EIF4G3: variants seen among roughly 807,000 people sequenced by gnomAD.
EIF4G3 encodes the protein eukaryotic translation initiation factor 4 gamma 3, also known as eIF-4-gamma 3.
In EIF4G3, 34 loss-of-function variants were observed where a neutral mutation model predicts 186.4. The ratio of observed to expected loss-of-function variants is 0.18; its 90% confidence interval spans 0.14 to 0.24. EIF4G3 has a LOEUF of 0.24. Among genes scored for constraint, EIF4G3 ranks in the 10% least tolerant of loss-of-function variants. EIF4G3 has a pLI of 1.00. For synonymous variants in EIF4G3, 673 were observed against 679.5 expected, an observed-to-expected ratio of 0.99 and a Z score of 0.15; for missense variants, 1,536 against 1,948.5, an observed-to-expected ratio of 0.79 and a Z score of 3.99.
intron 2 of EIF4G3, among the ~76,000 whole-genome samples, chr1:21,148,925 T>A (rs1313652363): frequency 6.6e-6 from 1 of 151,938 alleles, no homozygotes; most frequent in African/African-American, 2.4e-5. Flanking sequence ...GCCTTCAGAA[T>A]GTTTTTTGAA....
Position 21,002,698 on chromosome 1 carries a change from C to T in EIF4G3, c.30+15G>A. On this transcript the variant is annotated intron_variant, in intron 5 of 36. Coordinates refer to ENST00000602326, the MANE Select transcript of EIF4G3 (RefSeq NM_001391906.1). ...GGTAGAGAATGTAATTTGGTTCAAGCTTCTGCTTACTTACCGGAGAACGGG... is the reference window on the plus strand; with the variant it reads ...GGTAGAGAATGTAATTTGGTTCAAGTTTCTGCTTACTTACCGGAGAACGGG... The T allele has an allele frequency of 6.2e-7, 1 of 1,612,678 alleles. No individual in the cohort carries two copies. The highest frequency in any genetic ancestry group is 1.1e-5 in the South Asian group (1 of 90,818).
intron 7 of EIF4G3, among the ~76,000 whole-genome samples, chr1:20,991,850 A>C (rs997135025): frequency 1.3e-5 from 2 of 152,222 alleles, no homozygotes; most frequent in Admixed American, 6.5e-5. Flanking sequence ...AAAGGCAGGT[A>C]GTCTCACTGC....
intron 13 of EIF4G3, among the ~76,000 whole-genome samples, chr1:20,945,938 T>A (rs2095928487): frequency 6.6e-6 from 1 of 152,350 alleles, no homozygotes; most frequent in East Asian, 1.9e-4. Context: ...ACACATACTT[T>A]TTCATTTTGC....
intron 14 of EIF4G3, among the ~76,000 whole-genome samples, chr1:20,925,206 A>T (rs182177236): frequency 1.3e-5 from 2 of 152,222 alleles, no homozygotes; most frequent in African/African-American, 4.8e-5. Context: ...TTAGAGTAAA[A>T]CTCATTTGTA....
intron 3 of EIF4G3, among the ~76,000 whole-genome samples, chr1:21,085,050 T>C (rs1256295885): frequency 6.6e-6 from 1 of 151,640 alleles, no homozygotes; most frequent in African/African-American, 2.4e-5. Context: ...AACCATTTAT[T>C]ATTTAAGAAA....
Position 20,840,401 on chromosome 1 carries a change from G to A in EIF4G3, c.4061+455C>T, listed in dbSNP as rs140888628. Among the ~76,000 whole-genome samples the A allele has an allele frequency of 1.6e-3, 250 of 152,336 alleles. 1 individual carries two copies. The highest frequency in any genetic ancestry group is 5.6e-3 in the African/African-American group (233 of 41,574). On this transcript the variant is annotated intron_variant, in intron 30 of 36. Coordinates refer to ENST00000602326, the MANE Select transcript of EIF4G3 (RefSeq NM_001391906.1). ...CAAGTTACATAACCTTCTCCATGAGGCTAGAGTGGGCACACAAGTGCTTCC... is the reference window on the plus strand; with the variant it reads ...CAAGTTACATAACCTTCTCCATGAGACTAGAGTGGGCACACAAGTGCTTCC...
intron 2 of EIF4G3, among the ~76,000 whole-genome samples, chr1:21,134,021 T>C (rs2097198057): frequency 6.6e-6 from 1 of 152,334 alleles, no homozygotes; most frequent in South Asian, 2.1e-4. Flanking sequence ...CGCCTAAATA[T>C]AGTAAAGCAG....
intron 29 of EIF4G3, 57 bp from the exon 30 acceptor site, chr1:20,841,085 TTAAGA>T: frequency 6.4e-7 from 1 of 1,555,548 alleles, no homozygotes; most frequent in Non-Finnish European, 8.8e-7. Flanking sequence ...TACCAGAATG[TTAAGA>T]TAACTTTAAA....
intron 18 of EIF4G3, chr1:20,892,775 A>T (rs1374705133): frequency 3.1e-6 from 4 of 1,292,410 alleles, no homozygotes; most frequent in Non-Finnish European, 4.3e-6. Context: ...GAATGTCATC[A>T]GAGATCTCCA....
At chr1:20,891,894 A>C (rs990906085) in intron 18 of EIF4G3, among the ~76,000 whole-genome samples, 1 of 152,154 alleles carries the variant, frequency 6.6e-6, no homozygotes, top group Non-Finnish European at 1.5e-5. Context: ...GTATTTCCTG[A>C]AAATAGATAA....
chr1:20,868,776 G>A (rs909030796), intron 20 of EIF4G3, among the ~76,000 whole-genome samples: 1 of 152,152 alleles, frequency 6.6e-6, no homozygotes, highest in Non-Finnish European at 1.5e-5. Flanking sequence ...CGGTGAGAAT[G>A]TTTTAGGAAG....
rs370433151 is a variant in EIF4G3, at chr1:21,079,681, C to T, written c.-196+9457G>A. On this transcript the variant is annotated intron_variant, in intron 3 of 36. Coordinates refer to ENST00000602326, the MANE Select transcript of EIF4G3 (RefSeq NM_001391906.1). ...CCTGGATGACACAGTAAGACCCTGTCGCAAAAGAAAAAAAAAAAAAAACTC... is the reference window on the plus strand; with the variant it reads ...CCTGGATGACACAGTAAGACCCTGTTGCAAAAGAAAAAAAAAAAAAAACTC... Among the ~76,000 whole-genome samples the T allele has an allele frequency of 6.1e-5, 9 of 147,470 alleles. No homozygotes were observed. In the South Asian group the frequency reaches 6.4e-4, roughly 11 times the overall value.
At position 21,176,829 on chromosome 1, in the gene EIF4G3, T is replaced by TTC; in HGVS notation, c.-565_-564dup. On this transcript the variant is annotated 5_prime_UTR_variant, in exon 1 of 37. An upstream open reading frame in the 5' UTR loses its in-frame stop. Transcript: ENST00000602326. The stretch of plus-strand genomic sequence containing the variant: ...GGGGCTCAGGCGATGCCGGTGGATT[T>TTC]TCTTCACTCAACGAGCAGAGCATCC... 1 of 701,544 alleles carries TTC rather than the reference T, an allele frequency of 1.4e-6. No individual in the cohort carries two copies. The highest frequency in any genetic ancestry group is 2.6e-6 in the Non-Finnish European group (1 of 384,142). The allele number at this position is 701,544 out of a possible 1,614,324, so 43.5% of individuals were successfully genotyped here.
intron 4 of EIF4G3, among the ~76,000 whole-genome samples, chr1:21,025,740 G>T (rs1206423625): frequency 1.3e-5 from 2 of 152,058 alleles, no homozygotes; most frequent in Non-Finnish European, 2.9e-5. Flanking sequence ...AAAAAGTGAT[G>T]AATTCATTTA....
intron 2 of EIF4G3, among the ~76,000 whole-genome samples, chr1:21,100,541 C>G (rs551714188): frequency 9.2e-4 from 140 of 152,258 alleles, no homozygotes; most frequent in Non-Finnish European, 1.5e-3. Flanking sequence ...AATGTTTCAT[C>G]ATCATGATCC....
intron 4 of EIF4G3, among the ~76,000 whole-genome samples, chr1:21,023,152 T>C (rs2091151301): frequency 6.6e-6 from 1 of 151,824 alleles, no homozygotes; most frequent in Non-Finnish European, 1.5e-5. Context: ...AAAGACACGA[T>C]TCCTATGCAC....
At chr1:20,908,418 T>C (rs144650931) in intron 14 of EIF4G3, among the ~76,000 whole-genome samples, 76 of 152,322 alleles carry the variant, frequency 5.0e-4, no homozygotes, top group African/African-American at 1.8e-3. Context: ...CATTGGGCTT[T>C]AGGGAGATTC....
intron 18 of EIF4G3, among the ~76,000 whole-genome samples, chr1:20,888,150 T>G (rs113332978): frequency 1.1e-3 from 166 of 152,256 alleles, no homozygotes; most frequent in African/African-American, 3.9e-3. Flanking sequence ...GCCTTGAGAT[T>G]TGAATCTGGA....
intron 2 of EIF4G3, among the ~76,000 whole-genome samples, chr1:21,166,769 G>A (rs955240772): frequency 9.9e-5 from 15 of 151,502 alleles, no homozygotes; most frequent in African/African-American, 4.9e-5. Flanking sequence ...TGAATTAAGG[G>A]TTTTTTTTGT....
Sources: allele counts gnomAD v4.1 joint callset (sites outside exome capture counted in the v4.1 genomes callset), GRCh38; gene constraint gnomAD v4.1.1; transcripts MANE v1.5; gene names NCBI Gene and HGNC (gene_info 2026-07-23, HGNC 2026-07-21).